DCC: variants seen among roughly 807,000 people sequenced by gnomAD.
The protein encoded by DCC is DCC netrin 1 receptor, also known as netrin receptor DCC.
A neutral mutation model predicts 172.5 loss-of-function variants in DCC; 58 were observed. That is an observed-to-expected ratio of 0.34 (90% CI 0.27 to 0.42). The LOEUF is 0.42. Ranked by LOEUF, DCC falls within the 10% of genes least tolerant of loss-of-function variation. The probability of loss-of-function intolerance (pLI) is 1.00; values close to 1 mark genes in which losing one functional copy is unlikely to be tolerated. For synonymous variants in DCC, 709 were observed against 644.5 expected (o/e 1.10, Z -1.52); for missense variants, 1,740 against 1,791.0 (o/e 0.97, Z 0.51).
intron 1 of DCC, among the ~76,000 whole-genome samples, chr18:52,608,350 A>G (rs888053266): frequency 6.6e-6 from 1 of 152,190 alleles, no homozygotes; most frequent in Non-Finnish European, 1.5e-5. Context: ...AATAGATGCT[A>G]ATAGTGAAAG....
chr18:52,385,545 T>G (rs1016591506), intron 1 of DCC, among the ~76,000 whole-genome samples: 14 of 152,030 alleles, frequency 9.2e-5, no homozygotes, highest in Middle Eastern at 6.3e-3. Flanking sequence ...TATTCCCAGC[T>G]TCCAAAGAAG....
chr18:53,365,180 G>GT (rs2057991015), intron 15 of DCC, among the ~76,000 whole-genome samples: 2 of 151,724 alleles, frequency 1.3e-5, no homozygotes, highest in Admixed American at 6.6e-5. Context: ...GAGATGTTTG[G>GT]TTTTTTGTCC....
At chr18:52,541,703 T>C (rs1229740875) in intron 1 of DCC, among the ~76,000 whole-genome samples, 1 of 151,918 alleles carries the variant, frequency 6.6e-6, no homozygotes, top group African/African-American at 2.4e-5. Context: ...GACTTGGCTT[T>C]TCATCCTTGA....
chr18:52,736,986 T>C (rs1599060653), intron 1 of DCC, among the ~76,000 whole-genome samples: 2 of 152,312 alleles, frequency 1.3e-5, no homozygotes, highest in East Asian at 1.9e-4. Flanking sequence ...CAAAATTGTA[T>C]ATAAATTTAG....
intron 12 of DCC, among the ~76,000 whole-genome samples, chr18:53,218,736 A>G (rs1462213805): frequency 6.6e-6 from 1 of 152,148 alleles, no homozygotes; most frequent in Non-Finnish European, 1.5e-5. Flanking sequence ...TATGAAATGG[A>G]CTTTAAAATG....
At chr18:52,689,273 A>C (rs2035891422) in intron 1 of DCC, among the ~76,000 whole-genome samples, 1 of 152,146 alleles carries the variant, frequency 6.6e-6, no homozygotes, top group Admixed American at 6.6e-5. Context: ...TTGCTGTAGA[A>C]ATTCAGGGAA....
intron 7 of DCC, among the ~76,000 whole-genome samples, chr18:53,135,808 CA>C (rs1598837815): frequency 6.6e-6 from 1 of 152,252 alleles, no homozygotes; most frequent in East Asian, 1.9e-4. Flanking sequence ...CCTCAATCTA[CA>C]AGCCACATTT....
chr18:52,492,378 G>A (rs1330168726), intron 1 of DCC, among the ~76,000 whole-genome samples: 1 of 151,926 alleles, frequency 6.6e-6, no homozygotes, highest in Non-Finnish European at 1.5e-5. Context: ...ACGAAGGTGT[G>A]GGAGACATGA....
intron 1 of DCC, among the ~76,000 whole-genome samples, chr18:52,379,457 G>T (rs1449245896): frequency 6.6e-6 from 1 of 151,966 alleles, no homozygotes; most frequent in Non-Finnish European, 1.5e-5. Context: ...TTTTGACCAC[G>T]TATTTAATTT....
chr18:52,829,649 T>A, intron 2 of DCC, among the ~76,000 whole-genome samples: 1 of 151,748 alleles, frequency 6.6e-6, no homozygotes, highest in East Asian at 1.9e-4. Context: ...AATGATACTT[T>A]AAAAAGCATG....
chr18:52,552,007 T>A (rs2032788867), intron 1 of DCC, among the ~76,000 whole-genome samples: 2 of 152,022 alleles, frequency 1.3e-5, no homozygotes, highest in South Asian at 4.1e-4. Context: ...AAGGTAGTAA[T>A]GATTTTGCCT....
intron 2 of DCC, among the ~76,000 whole-genome samples, chr18:52,774,781 A>G (rs2037400386): frequency 6.6e-6 from 1 of 151,950 alleles, no homozygotes; most frequent in African/African-American, 2.4e-5. Context: ...GTGCCCCTGA[A>G]CCATGAGTGT....
intron 27 of DCC, among the ~76,000 whole-genome samples, chr18:53,502,207 GT>G (rs926034734): frequency 6.6e-6 from 1 of 152,008 alleles, no homozygotes; most frequent in African/African-American, 2.4e-5. Context: ...TTGATTTTAT[GT>G]TTTTTATAGC....
rs559725798 is a variant in DCC, at chr18:52,609,103, AG to A, written c.92-142949del. Among the ~76,000 whole-genome samples the A allele has an allele frequency of 7.7e-3, 1,178 of 152,264 alleles. 4 individuals are homozygous for A. Among genetic ancestry groups the A allele is most frequent in the Non-Finnish European group, 0.012 (822 of 68,012 alleles). ...TACTTGTAAATGTAAATAAATATAA[AG>A]GTGTGCTTTTCTATTTTTTGACAGG... On this transcript the variant is annotated intron_variant, in intron 1 of 28. Transcript: ENST00000442544.
At chr18:53,106,498 T>C (rs1598807774) in intron 7 of DCC, among the ~76,000 whole-genome samples, 1 of 151,956 alleles carries the variant, frequency 6.6e-6, no homozygotes, top group African/African-American at 2.4e-5. Context: ...GTGTGTGTTA[T>C]GGCTTGGCCA....
intron 8 of DCC, among the ~76,000 whole-genome samples, chr18:53,158,484 C>G (rs1555721800): frequency 6.6e-6 from 1 of 152,134 alleles, no homozygotes; most frequent in Non-Finnish European, 1.5e-5. Context: ...GTGCTGTAAA[C>G]ATGTGATGAT....
At chr18:52,366,076 GC>G (rs1387957492) in intron 1 of DCC, among the ~76,000 whole-genome samples, 5 of 152,134 alleles carry the variant, frequency 3.3e-5, no homozygotes, top group Admixed American at 6.5e-5. Flanking sequence ...CCTTTGTAAT[GC>G]CTATCATTTT....
At chr18:52,710,871 A>T (rs1429966479) in intron 1 of DCC, among the ~76,000 whole-genome samples, 1 of 152,230 alleles carries the variant, frequency 6.6e-6, no homozygotes, top group African/African-American at 2.4e-5. Context: ...TTGTATTTCC[A>T]GAAGCACTTT....
intron 1 of DCC, among the ~76,000 whole-genome samples, chr18:52,361,834 T>C (rs1017034033): frequency 2.0e-5 from 3 of 152,190 alleles, no homozygotes; most frequent in Non-Finnish European, 4.4e-5. Flanking sequence ...GAATTAGCAA[T>C]GGTGTGCAGG....
Sources: gnomAD v4.1 joint callset for allele counts (sites outside exome capture counted in the v4.1 genomes callset) on GRCh38, gnomAD v4.1.1 for gene constraint, MANE v1.5 for transcripts, NCBI Gene and HGNC (gene_info 2026-07-23, HGNC 2026-07-21) for gene names.